Variants in CEP128 observed in about 807,000 individuals in gnomAD.
CEP128 encodes the protein centrosomal protein 128kDa.
A neutral mutation model predicts 156.7 loss-of-function variants in CEP128; 132 were observed. That is an observed-to-expected ratio of 0.84 (90% CI 0.73 to 0.97). The LOEUF is 0.97. Among genes scored for constraint, CEP128 ranks in the 50% least tolerant of loss-of-function variants. The probability of loss-of-function intolerance (pLI) is 0.00; values close to 1 mark genes in which losing one functional copy is unlikely to be tolerated. For missense variants in CEP128, 1,252 were observed against 1,281.9 expected, an observed-to-expected ratio of 0.98 and a Z score of 0.36; for synonymous variants, 469 against 448.9, an observed-to-expected ratio of 1.04 and a Z score of -0.57.
At chr14:80,665,781 T>G (rs1895588559) in intron 19 of CEP128, among the ~76,000 whole-genome samples, 1 of 151,514 alleles carries the variant, frequency 6.6e-6, no homozygotes, top group Admixed American at 6.6e-5. Flanking sequence ...GCTAAGAAAA[T>G]GCACATTTCT....
At position 80,743,331 on chromosome 14, in the gene CEP128, TGAA is replaced by T. The variant is rs1448905276; in HGVS notation, c.2614-67_2614-65del. 2.4e-6 allele frequency: 3 copies of T among 1,272,404 alleles called. No homozygotes were observed. The East Asian group carries it at 7.4e-5, about 31-fold the overall frequency. The allele number at this position is 1,272,404 out of a possible 1,614,324, so 78.8% of individuals were successfully genotyped here. ...CAGAAAAGAGCAGCATTTCAAAACA[TGAA>T]GAAAAAAATAAGTAACATAATTTGA... On this transcript the variant is annotated intron_variant, in intron 18 of 24. Coordinates refer to ENST00000555265, the MANE Select transcript of CEP128 (RefSeq NM_152446.5).
At chr14:80,673,645 CAAAAAAAAAAA>C (rs4016509) in intron 19 of CEP128, among the ~76,000 whole-genome samples, 24 of 43,966 alleles carry the variant, frequency 5.5e-4, no homozygotes, top group Non-Finnish European at 8.1e-4. Context: ...GACTCCGTCT[CAAAAAAAAAAA>C]AAAAAAAAAA....
chr14:80,705,688 G>A (rs1200912363), intron 19 of CEP128, among the ~76,000 whole-genome samples: 3 of 152,096 alleles, frequency 2.0e-5, no homozygotes, highest in South Asian at 2.1e-4. Context: ...ATTTTGCACT[G>A]TTACCTGGGA....
At chr14:80,873,632 T>A (rs1376138028) in intron 8 of CEP128, among the ~76,000 whole-genome samples, 1 of 152,240 alleles carries the variant, frequency 6.6e-6, no homozygotes, top group East Asian at 1.9e-4. Flanking sequence ...CAGTAGAATA[T>A]TAAGGATATC....
intron 19 of CEP128, among the ~76,000 whole-genome samples, chr14:80,660,522 A>ACAGC (rs1468428297): frequency 1.2e-4 from 18 of 152,282 alleles, no homozygotes; most frequent in African/African-American, 4.1e-4. Context: ...TAATATAAAT[A>ACAGC]CAGCCTACAT....
At chr14:80,677,845 G>C (rs1896127719) in intron 19 of CEP128, among the ~76,000 whole-genome samples, 1 of 151,764 alleles carries the variant, frequency 6.6e-6, no homozygotes, top group African/African-American at 2.4e-5. Context: ...AAGACATTTA[G>C]GACTGTGTGC....
chr14:80,729,082 TG>T, intron 19 of CEP128, among the ~76,000 whole-genome samples: 1 of 65,420 alleles, frequency 1.5e-5, no homozygotes, highest in South Asian at 5.0e-4. Context: ...TGTGTGTGTG[TG>T]TGTGTGTGTG....
At chr14:80,561,911 T>TATATATATATATAC in intron 20 of CEP128, among the ~76,000 whole-genome samples, 1 of 149,728 alleles carries the variant, frequency 6.7e-6, no homozygotes, top group Non-Finnish European at 1.5e-5. Context: ...TATATATATA[T>TATATATATATATAC]ATTTGTTTTG....
intron 19 of CEP128, among the ~76,000 whole-genome samples, chr14:80,731,835 GACTAGTTT>G (rs1276675283): frequency 6.6e-6 from 1 of 152,130 alleles, no homozygotes; most frequent in Non-Finnish European, 1.5e-5. Flanking sequence ...AACATTATCA[GACTAGTTT>G]GGTGATAATT....
rs763107379 is a variant in CEP128 at position 80,923,309 on chromosome 14, G to C, written c.-15-6747C>G. On this transcript the variant is annotated intron_variant, in intron 2 of 24. Coordinates refer to ENST00000555265, the MANE Select transcript of CEP128 (RefSeq NM_152446.5). ...TATGCAAACTTGAATACTCCAACTAGAGAGAGTAAAACTGAATTCAACCTT... is the reference window on the plus strand; with the variant it reads ...TATGCAAACTTGAATACTCCAACTACAGAGAGTAAAACTGAATTCAACCTT... 5.9e-5 allele frequency among the ~76,000 whole-genome samples: 9 copies of C among 152,316 alleles called. 1 individual carries two copies. In the South Asian group the frequency reaches 6.2e-4, roughly 11 times the overall value.
At chr14:80,793,600 T>C (rs1287160711) in intron 13 of CEP128, among the ~76,000 whole-genome samples, 2 of 152,184 alleles carry the variant, frequency 1.3e-5, no homozygotes, top group African/African-American at 4.8e-5. Context: ...ATAGATAACA[T>C]ATTAGGTTCC....
intron 14 of CEP128, among the ~76,000 whole-genome samples, chr14:80,789,096 GAAAGTCGGGTTGA>G (rs1198445749): frequency 6.6e-6 from 1 of 152,124 alleles, no homozygotes; most frequent in Non-Finnish European, 1.5e-5. Context: ...GGAAAAAGTG[GAAAGTCGGGTTGA>G]CTCCAGATTA....
intron 1 of CEP128, 90 bp downstream of exon 1, chr14:80,941,490 AC>A (rs1448681969): frequency 6.6e-6 from 1 of 152,290 alleles, no homozygotes; most frequent in African/African-American, 2.4e-5. Context: ...TGAGGTCCCC[AC>A]CCCTGGGACG....
intron 19 of CEP128, among the ~76,000 whole-genome samples, chr14:80,629,948 A>C (rs1481549543): frequency 6.6e-6 from 1 of 151,996 alleles, no homozygotes; most frequent in Non-Finnish European, 1.5e-5. Flanking sequence ...CTATCCACTG[A>C]TCCAATAAAC....
intron 4 of CEP128, among the ~76,000 whole-genome samples, chr14:80,910,124 C>G (rs1246240726): frequency 6.6e-6 from 1 of 152,120 alleles, no homozygotes; most frequent in African/African-American, 2.4e-5. Flanking sequence ...CATCATAGAA[C>G]ATAATATAAT....
chr14:80,928,814 T>C (rs1009434726), intron 2 of CEP128, among the ~76,000 whole-genome samples: 2 of 152,094 alleles, frequency 1.3e-5, no homozygotes, highest in African/African-American at 4.8e-5. Flanking sequence ...CTTCTGGACA[T>C]TGGCCTAGGC....
chr14:80,947,903 T>A (rs987400426), intron 2 of CEP128, among the ~76,000 whole-genome samples: 2 of 152,236 alleles, frequency 1.3e-5, no homozygotes, highest in African/African-American at 4.8e-5. Context: ...TTACTTCAAA[T>A]GTAGCCTGCA....
chr14:80,938,441 G>T (rs55956216), intron 2 of CEP128, among the ~76,000 whole-genome samples: 12,272 of 151,792 alleles, frequency 0.081, 1,398 homozygotes, highest in African/African-American at 0.26. Flanking sequence ...TAGAGACAAG[G>T]TTTCACCATG....
chr14:80,619,502 C>T (rs1302751760), intron 19 of CEP128, among the ~76,000 whole-genome samples: 1 of 151,356 alleles, frequency 6.6e-6, no homozygotes, highest in African/African-American at 2.4e-5. Flanking sequence ...GAGTTCAAGA[C>T]CAGCCCGGCC....
Sources: allele counts gnomAD v4.1 joint callset (sites outside exome capture counted in the v4.1 genomes callset), GRCh38; gene constraint gnomAD v4.1.1; transcripts MANE v1.5; gene names NCBI Gene and HGNC (gene_info 2026-07-23, HGNC 2026-07-21).